Variants in ANKRD26 observed in about 807,000 individuals in gnomAD.
ANKRD26 encodes the protein ankyrin repeat domain 26.
In ANKRD26, 141 loss-of-function variants were observed where a neutral mutation model predicts 208.7. The observed-to-expected ratio is 0.68, with a 90% CI of 0.59 to 0.78. ANKRD26 has a LOEUF of 0.78. Ranked by LOEUF, ANKRD26 falls within the 30% of genes least tolerant of loss-of-function variation. ANKRD26 has a pLI of 0.00. For synonymous variants in ANKRD26, 636 were observed against 660.4 expected (o/e 0.96, Z 0.57); for missense variants, 1,889 against 1,938.7 (o/e 0.97, Z 0.48).
chr10:27,095,269 T>C (rs1466121706), intron 1 of ANKRD26, among the ~76,000 whole-genome samples: 3 of 152,248 alleles, frequency 2.0e-5, no homozygotes, highest in Non-Finnish European at 4.4e-5. Context: ...TTATAGAATA[T>C]ATGCAGATAT....
intron 5 of ANKRD26, among the ~76,000 whole-genome samples, chr10:26,978,370 C>T (rs1189584516): frequency 6.6e-6 from 1 of 152,094 alleles, no homozygotes; most frequent in Non-Finnish European, 1.5e-5. Flanking sequence ...CTAGGAGAAT[C>T]GTTTGAACCC....
chr10:27,056,843 G>A lies in ANKRD26; in HGVS notation c.1565-3453C>T, dbSNP rs190214349. Reference sequence around the variant, plus strand: ...ATGAAGCCAAGCAAAGGTACTCTAGGACTGAATTCTCTGTGCTTCTGTGTT... The same window carrying A: ...ATGAAGCCAAGCAAAGGTACTCTAGAACTGAATTCTCTGTGCTTCTGTGTT... On this transcript the variant is annotated intron_variant, in intron 15 of 33. Transcript: ENST00000376087. 2.6e-5 allele frequency among the ~76,000 whole-genome samples: 4 copies of A among 152,230 alleles called. 1 individual carries two copies. Among genetic ancestry groups the A allele is most frequent in the African/African-American group, 9.6e-5 (4 of 41,548 alleles).
intron 27 of ANKRD26, among the ~76,000 whole-genome samples, chr10:27,028,208 T>C (rs2053732865): frequency 6.6e-6 from 1 of 152,154 alleles, no homozygotes; most frequent in African/African-American, 2.4e-5. Context: ...GGACAGGATG[T>C]CACAAGTGGA....
At position 27,067,147 on chromosome 10, in the gene ANKRD26, A is replaced by G; in HGVS notation, c.1207+10T>C. 6.2e-7 allele frequency: 1 copy of G among 1,612,388 alleles called. No homozygotes were observed. Among genetic ancestry groups the G allele is most frequent in the Non-Finnish European group, 8.5e-7 (1 of 1,179,114 alleles). On this transcript the variant is annotated intron_variant, in intron 10 of 33. Transcript: ENST00000376087. ...GATAGAAAAATATTCAGAGATATCC[A>G]CTAACTTACCACTTCTATTATTTTT...
At chr10:26,970,385 G>A (rs1042240921), downstream of ANKRD26, among the ~76,000 whole-genome samples, 14 of 152,172 alleles carry the variant, frequency 9.2e-5, no homozygotes, top group Non-Finnish European at 1.6e-4. Context: ...TCTAGATAGT[G>A]AGTGTCTTCT....
At chr10:26,975,507 A>T (rs1335520459) in exon 6 of ANKRD26, among the ~76,000 whole-genome samples, 1 of 145,014 alleles carries the variant, frequency 6.9e-6, no homozygotes, top group Non-Finnish European at 1.5e-5. Flanking sequence ...GATAACAGGC[A>T]TGAGCCACTG....
At chr10:27,030,739 T>C (rs1192158410) in intron 25 of ANKRD26, 1 of 285,698 alleles carries the variant, frequency 3.5e-6, no homozygotes, top group African/African-American at 2.3e-5. Flanking sequence ...AATAACCACC[T>C]ATGTTAGCTG....
intron 25 of ANKRD26, 37 bp downstream of exon 25, chr10:27,033,188 T>C (rs772677056): frequency 1.1e-5 from 17 of 1,534,148 alleles, no homozygotes; most frequent in Middle Eastern, 1.8e-4. Flanking sequence ...TAACCAGTTA[T>C]AGATTAACTG....
At chr10:27,076,969 A>T (rs1260969293) in intron 9 of ANKRD26, 1 of 192,432 alleles carries the variant, frequency 5.2e-6, no homozygotes, top group Non-Finnish European at 1.1e-5. Flanking sequence ...AAAGGTTGAG[A>T]AGGGGGAAAT....
chr10:27,059,030 T>C (rs568635905), intron 15 of ANKRD26, among the ~76,000 whole-genome samples: 53 of 152,116 alleles, frequency 3.5e-4, no homozygotes, highest in Admixed American at 6.5e-4. Flanking sequence ...TTCTCCTGCC[T>C]CAGCCTCCTG....
At chr10:27,081,609 C>T (rs2055906574) in intron 6 of ANKRD26, among the ~76,000 whole-genome samples, 1 of 152,018 alleles carries the variant, frequency 6.6e-6, no homozygotes, top group South Asian at 2.1e-4. Flanking sequence ...CCTTAAAATC[C>T]TGAAATTCTA....
chr10:26,966,401 T>C, the ANKRD26 span, among the ~76,000 whole-genome samples: 6 of 152,232 alleles, frequency 3.9e-5, no homozygotes, highest in East Asian at 1.9e-4. Flanking sequence ...AAACACTGCA[T>C]GTTCTCACTT....
At chr10:27,011,714 T>A (rs10764662) in intron 32 of ANKRD26, among the ~76,000 whole-genome samples, 123,457 of 152,200 alleles carry the variant, frequency 0.81, 50,425 homozygotes, top group East Asian at 0.99. Flanking sequence ...AGGACCTTGT[T>A]ACTGTAAAGC....
intron 11 of ANKRD26, 67 bp downstream of exon 11, chr10:27,066,420 T>C: frequency 1.6e-6 from 2 of 1,277,602 alleles, no homozygotes; most frequent in South Asian, 1.3e-5. Context: ...AGTCAAAGCA[T>C]CTCTTTATGT....
At position 27,050,272 on chromosome 10, in the gene ANKRD26, T is replaced by C. The variant is rs937116494; in HGVS notation, c.1636-1293A>G. The stretch of plus-strand genomic sequence containing the variant: ...AGAAAGAAAGAAAGAAAAAGAAGAA[T>C]ATCTGCAGATTATTGTTTATCTTTA... On this transcript the variant is annotated intron_variant, in intron 16 of 33. Transcript: ENST00000376087. Among the ~76,000 whole-genome samples, 4 of 92,574 alleles carry C rather than the reference T, an allele frequency of 4.3e-5. No homozygotes were observed. The South Asian group carries it at 1.4e-3, about 33-fold the overall frequency. The allele number at this position is 92,574 out of a possible 152,430, so 60.7% of individuals were successfully genotyped here. A position where few individuals can be genotyped will look rare whatever the true frequency, so the allele number is the denominator to read the frequency against.
chr10:26,972,001 C>T (rs1339221251), downstream of ANKRD26, among the ~76,000 whole-genome samples: 3 of 152,048 alleles, frequency 2.0e-5, no homozygotes, highest in Non-Finnish European at 2.9e-5. Context: ...TTTGGGAGGC[C>T]AAGGTGGGCG....
chr10:27,018,872 G>C (rs1005495956), intron 29 of ANKRD26, among the ~76,000 whole-genome samples: 1 of 152,150 alleles, frequency 6.6e-6, no homozygotes, highest in African/African-American at 2.4e-5. Flanking sequence ...GTAAGACCTT[G>C]AAACTATAAA....
In ANKRD26 at chr10:27,013,040, T is replaced by C. The variant is rs756257659; in HGVS notation, c.4795A>G (p.Thr1599Ala). The change falls in exon 32 of 34, where the codon ACC becomes GCC. Residue 1599 changes from threonine (T) to alanine (A), a missense_variant. Physicochemically the swap from Thr to Ala is moderately conservative, Grantham distance 58. This residue lies in a region of ANKRD26 where 613 missense variants were observed against 648.2 expected (regional missense o/e 0.95). Coordinates refer to ENST00000376087, the MANE Select transcript of ANKRD26 (RefSeq NM_014915.3). ...VEKQQSRSLF[T>A]TLTTRPVMEP... ...ATGACTGGCCTGGTAGTGAGAGTGG[T>C]GAACAAAGATCTGCTCTGCTGTTTT... 5.0e-6 allele frequency: 8 copies of C among 1,613,942 alleles called. No individual in the cohort carries two copies. Among genetic ancestry groups the C allele is most frequent in the African/African-American group, 1.3e-5 (1 of 74,930 alleles).
At chr10:26,973,399 G>T (rs1460895243), downstream of ANKRD26, among the ~76,000 whole-genome samples, 1 of 149,654 alleles carries the variant, frequency 6.7e-6, no homozygotes, top group African/African-American at 2.4e-5. Flanking sequence ...AAGGTTGTCT[G>T]ATTTTAATAT....
Sources: allele counts gnomAD v4.1 joint callset (sites outside exome capture counted in the v4.1 genomes callset), GRCh38; gene constraint gnomAD v4.1.1; regional missense constraint gnomAD v4.1.1; transcripts MANE v1.5; gene names NCBI Gene and HGNC (gene_info 2026-07-23, HGNC 2026-07-21).